The following PISD variants were observed in gnomAD, a reference collection of about 807,000 sequenced individuals.
PISD encodes the protein phosphatidylserine decarboxylase.
In PISD, 31 loss-of-function variants were observed where a neutral mutation model predicts 43.5. That is an observed-to-expected ratio of 0.71 (90% CI 0.54 to 0.96). The LOEUF is 0.96. Among genes scored for constraint, PISD ranks in the 40% least tolerant of loss-of-function variants. The pLI is 0.00. For missense variants in PISD, 523 were observed against 548.4 expected, an observed-to-expected ratio of 0.95 and a Z score of 0.46; for synonymous variants, 259 against 228.7, an observed-to-expected ratio of 1.13 and a Z score of -1.20.
intron 3 of PISD, among the ~76,000 whole-genome samples, chr22:31,637,013 C>T (rs541467393): frequency 3.3e-5 from 5 of 150,462 alleles, no homozygotes; most frequent in Non-Finnish European, 7.4e-5. Context: ...ATTCGTTGGG[C>T]GCAGTAGCTC....
rs1332167066 is a variant in PISD, at chr22:31,619,043, G to A, written c.*569C>T. 1 of 223,840 alleles carries A rather than the reference G, an allele frequency of 4.5e-6. No individual in the cohort carries two copies. The highest frequency in any genetic ancestry group is 9.1e-6 in the Non-Finnish European group (1 of 110,452). 13.9% of individuals were successfully genotyped at this position (223,840 alleles called of 1,614,324 possible). A position where few individuals can be genotyped will look rare whatever the true frequency, so the allele number is the denominator to read the frequency against. ...AGACACTAGCAGAGTCCAGGGTGAT[G>A]CGTTCAGCCACAAGCACAAAGACTG... On this transcript the variant is annotated 3_prime_UTR_variant, in exon 8 of 8. Transcript: ENST00000439502.
chr22:31,653,844 G>A (rs191864055), intron 1 of PISD, among the ~76,000 whole-genome samples: 4 of 152,280 alleles, frequency 2.6e-5, no homozygotes, highest in Non-Finnish European at 4.4e-5. Flanking sequence ...TTAGCCAGGT[G>A]TGGTGGCACA....
At chr22:31,650,083 G>T (rs1269963281) in intron 2 of PISD, among the ~76,000 whole-genome samples, 1 of 152,202 alleles carries the variant, frequency 6.6e-6, no homozygotes, top group Non-Finnish European at 1.5e-5. Context: ...CTTTGTTACA[G>T]CAGCCCTAGC....
At position 31,621,522 on chromosome 22, in the gene PISD, C is replaced by A. The variant is rs375010053; in HGVS notation, c.559-50G>T. ...GCCAGGGAGAGCAGGGTCTCCTCCC[C>A]CCAGGAGACAGCCCCCACCTCCCCT... On this transcript the variant is annotated intron_variant, in intron 4 of 7. Transcript: ENST00000439502. 8 of 1,609,126 alleles carry A rather than the reference C, an allele frequency of 5.0e-6. 1 individual carries two copies. In the Admixed American group the frequency reaches 6.7e-5, roughly 13 times the overall value.
At chr22:31,651,498 G>GT (rs200289302) in intron 1 of PISD, among the ~76,000 whole-genome samples, 54 of 151,906 alleles carry the variant, frequency 3.6e-4, no homozygotes, top group African/African-American at 1.1e-3. Flanking sequence ...GGCTTTTTGG[G>GT]TTTTTTTTGG....
rs201966039 is a variant in PISD, at chr22:31,620,988, G to A, written c.844+8C>T. On this transcript the variant is annotated splice_region_variant and intron_variant, in intron 6 of 7. Coordinates refer to ENST00000439502, the MANE Select transcript of PISD (RefSeq NM_001326411.2). ...AGGCAGCTCCCCCCACGCTGGCCCCGGGCTGACCTGGGAAGTGGCGCCGGT... is the reference window on the plus strand; with the variant it reads ...AGGCAGCTCCCCCCACGCTGGCCCCAGGCTGACCTGGGAAGTGGCGCCGGT... 285 of 1,609,600 alleles carry A rather than the reference G, an allele frequency of 1.8e-4. No homozygotes were observed. The African/African-American group carries it at 3.2e-3, about 18-fold the overall frequency.
upstream of PISD, chr22:31,662,327 A>G (rs556800771): frequency 9.8e-7 from 1 of 1,024,204 alleles, no homozygotes; most frequent in Non-Finnish European, 1.5e-6. Context: ...GGCGGAGCCG[A>G]CTAAGCTCCG....
chr22:31,636,075 C>T lies in PISD; in HGVS notation c.321+12026G>A, dbSNP rs369372518. On this transcript the variant is annotated intron_variant, in intron 3 of 7. Coordinates refer to ENST00000439502, the MANE Select transcript of PISD (RefSeq NM_001326411.2). ...ACATCGCTCACCAACATGGAGAACA[C>T]GTCCGATACTGCCCACTACCAGGTA... Among the ~76,000 whole-genome samples, 6 of 152,318 alleles carry T rather than the reference C, an allele frequency of 3.9e-5. No homozygotes were observed. In the East Asian group the frequency reaches 5.8e-4, roughly 15 times the overall value.
intron 7 of PISD, among the ~76,000 whole-genome samples, chr22:31,620,185 C>T (rs1379153788): frequency 6.6e-6 from 1 of 152,222 alleles, no homozygotes; most frequent in African/African-American, 2.4e-5. Flanking sequence ...GGGCAGCAGA[C>T]CTGCGAGTGC....
At position 31,619,023 on chromosome 22, in the gene PISD, C is replaced by CTGCT. The variant is rs1420406234; in HGVS notation, c.*588_*589insAGCA. ...GTGTCATCAGTGTCCTCAGAAGACACTAGCAGAGTCCAGGGTGATGCGTTC... is the reference window on the plus strand; with the variant it reads ...GTGTCATCAGTGTCCTCAGAAGACACTGCTTAGCAGAGTCCAGGGTGATGCGTTC... On this transcript the variant is annotated 3_prime_UTR_variant, in exon 8 of 8. Transcript: ENST00000439502. 4 of 192,420 alleles carry CTGCT rather than the reference C, an allele frequency of 2.1e-5. No individual in the cohort carries two copies. Among genetic ancestry groups the CTGCT allele is most frequent in the African/African-American group, 9.5e-5 (4 of 42,076 alleles). 11.9% of individuals were successfully genotyped at this position (192,420 alleles called of 1,614,324 possible).
At chr22:31,655,025 G>A (rs1287511758) in intron 1 of PISD, among the ~76,000 whole-genome samples, 2 of 144,084 alleles carry the variant, frequency 1.4e-5, no homozygotes, top group Non-Finnish European at 3.0e-5. Context: ...GCAGTGAGCC[G>A]AGATCACGCC....
At chr22:31,620,012 C>G (rs1022555519) in intron 7 of PISD, among the ~76,000 whole-genome samples, 176 bp from the exon 8 acceptor site, 2 of 152,224 alleles carry the variant, frequency 1.3e-5, no homozygotes, top group Non-Finnish European at 2.9e-5. Context: ...CTAGCCAGAT[C>G]TCACACACAG....
intron 1 of PISD, among the ~76,000 whole-genome samples, 155 bp downstream of exon 1, chr22:31,661,989 C>A (rs753443819): frequency 1.3e-5 from 2 of 152,296 alleles, no homozygotes; most frequent in East Asian, 3.9e-4. Flanking sequence ...TACGCAGGAG[C>A]AGTCGCACCT....
chr22:31,654,522 C>G (rs987421963), intron 1 of PISD, among the ~76,000 whole-genome samples: 3 of 152,158 alleles, frequency 2.0e-5, no homozygotes, highest in African/African-American at 7.2e-5. Context: ...CCGACCCTCT[C>G]TAACTCACCT....
rs143774685 is a variant in PISD at position 31,652,732 on chromosome 22, A to G, written c.66-1954T>C. On this transcript the variant is annotated intron_variant, in intron 1 of 7. Coordinates refer to ENST00000439502, the MANE Select transcript of PISD (RefSeq NM_001326411.2). ...CTGAGGCAGGAGAATCACAAAACAAAACAAAACAAACACCCCCCTTGCCAG... is the reference window on the plus strand; with the variant it reads ...CTGAGGCAGGAGAATCACAAAACAAGACAAAACAAACACCCCCCTTGCCAG... 5.4e-3 allele frequency among the ~76,000 whole-genome samples: 813 copies of G among 151,218 alleles called. 9 individuals carry two copies. Among genetic ancestry groups the G allele is most frequent in the African/African-American group, 0.019 (784 of 41,216 alleles).
At chr22:31,646,886 T>A (rs1381771845) in intron 3 of PISD, among the ~76,000 whole-genome samples, 1 of 152,032 alleles carries the variant, frequency 6.6e-6, no homozygotes, top group Non-Finnish European at 1.5e-5. Flanking sequence ...TTTTTTTGTT[T>A]AAGGTAGGTT....
At chr22:31,637,785 C>G (rs1601397631) in intron 3 of PISD, among the ~76,000 whole-genome samples, 1 of 152,160 alleles carries the variant, frequency 6.6e-6, no homozygotes, top group South Asian at 2.1e-4. Context: ...AGCAAGTGTC[C>G]CGCTCCCCTC....
intron 1 of PISD, among the ~76,000 whole-genome samples, chr22:31,655,887 T>C (rs1348842230): frequency 3.9e-5 from 6 of 151,974 alleles, no homozygotes; most frequent in Non-Finnish European, 8.8e-5. Flanking sequence ...TCCACCCACC[T>C]TGGCCTCCGA....
Position 31,621,401 on chromosome 22 carries a change from C to T in PISD, c.630G>A (p.Gly210=), listed in dbSNP as rs1358144764. 1.9e-6 allele frequency: 3 copies of T among 1,614,046 alleles called. No homozygotes were observed. The highest frequency in any genetic ancestry group is 3.3e-5 in the Admixed American group (2 of 60,018). The change falls in exon 5 of 8, where the codon GGG becomes GGA. Residue 210 remains glycine, a synonymous_variant. Coordinates refer to ENST00000439502, the MANE Select transcript of PISD (RefSeq NM_001326411.2). The part of the protein sequence containing the change: ...VKNCEVEQVK[G]VTYSLESFLG... ...GGAACGACTCCAGGGAGTAGGTGACCCCCTTTACCTGCTCCACCTCACAGT... is the reference window on the plus strand; with the variant it reads ...GGAACGACTCCAGGGAGTAGGTGACTCCCTTTACCTGCTCCACCTCACAGT...
Sources: allele counts gnomAD v4.1 joint callset (sites outside exome capture counted in the v4.1 genomes callset), GRCh38; gene constraint gnomAD v4.1.1; transcripts MANE v1.5; gene names NCBI Gene and HGNC (gene_info 2026-07-23, HGNC 2026-07-21).